The following RELN variants were observed in gnomAD, a reference collection of about 807,000 sequenced individuals.
The protein encoded by RELN is reelin.
RELN carries 108 observed loss-of-function variants against 427.6 expected under a neutral mutation model. That is an observed-to-expected ratio of 0.25 (90% confidence interval 0.22 to 0.30). The LOEUF is 0.30. Among genes scored for constraint, RELN ranks in the 10% least tolerant of loss-of-function variants. The pLI is 1.00. For synonymous variants in RELN, 1,524 were observed against 1,513.4 expected, an observed-to-expected ratio of 1.01 and a Z score of -0.16; for missense variants, 3,715 against 4,302.8, an observed-to-expected ratio of 0.86 and a Z score of 3.82.
chr7:103,903,553 C>A (rs1795128730), intron 2 of RELN, among the ~76,000 whole-genome samples: 1 of 152,106 alleles, frequency 6.6e-6, no homozygotes, highest in Non-Finnish European at 1.5e-5. Context: ...TTAACACGAA[C>A]AGGCAAAATT....
At chr7:103,708,724 A>G (rs1562965850) in intron 8 of RELN, among the ~76,000 whole-genome samples, 2 of 151,910 alleles carry the variant, frequency 1.3e-5, no homozygotes, top group Non-Finnish European at 2.9e-5. Context: ...TGGCCTCCCA[A>G]AGTGCTAGGA....
chr7:103,759,990 CTTTTTTTTTTTTTTTT>C (rs57019839), intron 4 of RELN, among the ~76,000 whole-genome samples: 74 of 64,920 alleles, frequency 1.1e-3, no homozygotes, highest in Admixed American at 3.9e-3. Flanking sequence ...CACAGTCATA[CTTTTTTTTTTTTTTTT>C]TTTTTTTTTT....
intron 4 of RELN, among the ~76,000 whole-genome samples, chr7:103,757,383 C>T (rs763257335): frequency 1.3e-5 from 2 of 152,090 alleles, no homozygotes; most frequent in Non-Finnish European, 1.5e-5. Flanking sequence ...ATGTTTTTAT[C>T]TCAACATTTT....
At chr7:103,643,183 G>T (rs1562936833) in intron 16 of RELN, among the ~76,000 whole-genome samples, 1 of 151,804 alleles carries the variant, frequency 6.6e-6, no homozygotes, top group Non-Finnish European at 1.5e-5. Context: ...ATTAAACAAG[G>T]GTGTGCATTT....
intron 29 of RELN, among the ~76,000 whole-genome samples, chr7:103,575,263 C>G (rs950601465): frequency 2.6e-5 from 4 of 152,164 alleles, no homozygotes; most frequent in African/African-American, 9.7e-5. Context: ...ACCTCAATGT[C>G]TGGCATGAAG....
intron 7 of RELN, among the ~76,000 whole-genome samples, chr7:103,725,567 T>TA: frequency 6.6e-6 from 1 of 152,174 alleles, no homozygotes; most frequent in Non-Finnish European, 1.5e-5. Flanking sequence ...GGCCTTGTCT[T>TA]AAAACATAAT....
Position 103,574,421 on chromosome 7 carries a change from GA to G in RELN, c.4304-123del, listed in dbSNP as rs1397340906. 4.9e-6 allele frequency: 4 copies of G among 820,266 alleles called. No individual in the cohort carries two copies. The East Asian group carries it at 1.1e-4, about 22-fold the overall frequency. 50.8% of individuals were successfully genotyped at this position (820,266 alleles called of 1,614,324 possible). A position where few individuals can be genotyped will look rare whatever the true frequency, so the allele number is the denominator to read the frequency against. ...TTAACATTAGGGAGAGAGGCCACAT[GA>G]AAATTTGTATCTCACAACTGTCGGT... is the stretch of plus-strand genomic sequence containing the variant. On this transcript the variant is annotated intron_variant, in intron 29 of 64. Coordinates refer to ENST00000428762, the MANE Select transcript of RELN (RefSeq NM_005045.4).
intron 64 of RELN, among the ~76,000 whole-genome samples, chr7:103,478,102 A>G (rs1182653355): frequency 2.6e-5 from 4 of 152,208 alleles, no homozygotes; most frequent in African/African-American, 7.2e-5. Flanking sequence ...AGCAGAATCT[A>G]AGTCAAATCT....
intron 52 of RELN, among the ~76,000 whole-genome samples, chr7:103,501,504 T>TG (rs1183997711): frequency 3.3e-5 from 5 of 152,182 alleles, no homozygotes; most frequent in African/African-American, 1.2e-4. Context: ...CTCTGTCTTC[T>TG]GGGGGAAAAA....
intron 48 of RELN, among the ~76,000 whole-genome samples, chr7:103,521,435 C>G (rs1014098399): frequency 1.3e-5 from 2 of 152,178 alleles, no homozygotes; most frequent in African/African-American, 4.8e-5. Context: ...AGATAATATG[C>G]TACACATACA....
chr7:103,619,783 A>G (rs557637116), intron 20 of RELN, among the ~76,000 whole-genome samples: 1 of 152,236 alleles, frequency 6.6e-6, no homozygotes, highest in Non-Finnish European at 1.5e-5. Flanking sequence ...CGACTGCAGG[A>G]GACCATGCAC....
chr7:103,481,835 T>G (rs1438965123), intron 63 of RELN: 1 of 152,166 alleles, frequency 6.6e-6, no homozygotes, highest in East Asian at 1.9e-4. Flanking sequence ...CATATTTAGA[T>G]TCAAATGAGT....
intron 1 of RELN, among the ~76,000 whole-genome samples, chr7:103,962,291 T>C (rs1388955829): frequency 2.0e-5 from 3 of 152,054 alleles, no homozygotes; most frequent in Non-Finnish European, 2.9e-5. Context: ...TTGAACTCTC[T>C]CATGGAACAC....
intron 20 of RELN, among the ~76,000 whole-genome samples, chr7:103,614,910 A>C (rs1038551338): frequency 1.3e-5 from 2 of 152,198 alleles, no homozygotes; most frequent in East Asian, 3.9e-4. Context: ...TGGCAGTGAT[A>C]CTGGGTCTGT....
rs11371972 is a variant in RELN, at chr7:103,487,458, T to TAAAA, written c.9764-1046_9764-1043dup. Among the ~76,000 whole-genome samples, 744 of 128,084 alleles carry TAAAA rather than the reference T, an allele frequency of 5.8e-3. 7 individuals carry two copies. The highest frequency in any genetic ancestry group is 0.019 in the African/African-American group (665 of 34,340). 84.0% of individuals were successfully genotyped at this position (128,084 alleles called of 152,430 possible). On this transcript the variant is annotated intron_variant, in intron 60 of 64. Transcript: ENST00000428762. ...GGAAAAAAAATGAATGTTGTTACAG[T>TAAAA]AAAAAAAAAAAAAAGGCAAAATACT...
chr7:103,540,133 C>T, intron 44 of RELN, 64 bp downstream of exon 44: 1 of 1,586,322 alleles, frequency 6.3e-7, no homozygotes, highest in Admixed American at 1.7e-5. Context: ...GAACTAAATG[C>T]CTTCTAAGGC....
intron 4 of RELN, among the ~76,000 whole-genome samples, chr7:103,762,307 C>T (rs1413528376): frequency 6.6e-6 from 1 of 152,206 alleles, no homozygotes; most frequent in Non-Finnish European, 1.5e-5. Context: ...GACCATCTAT[C>T]TTCAAACTGG....
Position 103,494,365 on chromosome 7 carries a change from T to TTGTGTGTGTG in RELN, c.9369+1348_9369+1357dup, listed in dbSNP as rs58533286. ...ATACAATACATTTCTGTAATGACTT[T>TTGTGTGTGTG]TGTGTGTGTGTGTGTGTGTGTGTGT... On this transcript the variant is annotated intron_variant, in intron 57 of 64. Coordinates refer to ENST00000428762, the MANE Select transcript of RELN (RefSeq NM_005045.4). Among the ~76,000 whole-genome samples, 130 of 118,308 alleles carry TTGTGTGTGTG rather than the reference T, an allele frequency of 1.1e-3. 2 individuals are homozygous for TTGTGTGTGTG. The East Asian group carries it at 0.019, about 17-fold the overall frequency. The allele number at this position is 118,308 out of a possible 152,430, so 77.6% of individuals were successfully genotyped here.
In RELN at chr7:103,989,320, G is replaced by A. The variant is rs775635007; in HGVS notation, c.37C>T (p.Leu13=). The A allele has an allele frequency of 6.9e-6, 11 of 1,589,816 alleles. No individual in the cohort carries two copies. In the African/African-American group the frequency reaches 8.1e-5, roughly 12 times the overall value. The part of the protein sequence containing the change: ...RSGWARQTFL[L]ALLLGATLRA... The stretch of plus-strand genomic sequence containing the variant: ...AGCGTCGCCCCCAGCAACAGCGCTA[G>A]GAGGAAAGTCTGCCGGGCCCAGCCA... Residue 13 remains leucine, a synonymous_variant, in exon 1 of 65, where the codon CTA becomes TTA. Coordinates refer to ENST00000428762, the MANE Select transcript of RELN (RefSeq NM_005045.4). This position sits in a 1 kb window ranked among gnomAD's most constrained non-coding sequence, Gnocchi z 4.9.
Sources: allele counts gnomAD v4.1 joint callset (sites outside exome capture counted in the v4.1 genomes callset), GRCh38; gene constraint gnomAD v4.1.1; non-coding constraint Gnocchi (gnomAD v3.1); transcripts MANE v1.5; gene names NCBI Gene and HGNC (gene_info 2026-07-23, HGNC 2026-07-21).